CFDP1: variants seen among roughly 807,000 people sequenced by gnomAD.
The protein encoded by CFDP1 is chromatin remodeling protein CFDP1.
In CFDP1, 31 loss-of-function variants were observed where a neutral mutation model predicts 40.1. The ratio of observed to expected loss-of-function variants is 0.77; its 90% CI spans 0.58 to 1.04. The LOEUF is 1.04. Ranked by LOEUF, CFDP1 falls within the 50% of genes least tolerant of loss-of-function variation. The probability of loss-of-function intolerance (pLI) is 0.00; values close to 1 mark genes in which losing one functional copy is unlikely to be tolerated. For missense variants in CFDP1, 423 were observed against 343.4 expected (o/e 1.23, Z -1.83); for synonymous variants, 167 against 120.0 (o/e 1.39, Z -2.56).
intron 1 of CFDP1, 100 bp from the exon 2 acceptor site, chr16:75,414,795 T>C (rs768052175): frequency 1.7e-5 from 13 of 777,448 alleles, no homozygotes; most frequent in Non-Finnish European, 2.3e-5. Flanking sequence ...ACATTTTCAT[T>C]AAGAAAAAGT....
In CFDP1 at chr16:75,433,471, G is replaced by A. The variant is rs952533548; in HGVS notation, c.-119C>T. ...GGCGACGGCAGCTAGGGCGGCCCCC[G>A]ACAGCGCTTTGCACATGCGCAGAGA... On this transcript the variant is annotated 5_prime_UTR_variant, in exon 1 of 7. Transcript: ENST00000283882. 16 of 920,790 alleles carry A rather than the reference G, an allele frequency of 1.7e-5. No individual in the cohort carries two copies. In the East Asian group the frequency reaches 3.2e-4, roughly 18 times the overall value. 57.0% of individuals were successfully genotyped at this position (920,790 alleles called of 1,614,324 possible). A position where few individuals can be genotyped will look rare whatever the true frequency, so the allele number is the denominator to read the frequency against.
At chr16:75,407,790 A>C (rs1429584150) in intron 4 of CFDP1, among the ~76,000 whole-genome samples, 1 of 152,104 alleles carries the variant, frequency 6.6e-6, no homozygotes, top group South Asian at 2.1e-4. Context: ...GCTATAATGA[A>C]GCATTTAATA....
At chr16:75,355,666 C>T (rs768625433) in intron 5 of CFDP1, among the ~76,000 whole-genome samples, 1 of 152,140 alleles carries the variant, frequency 6.6e-6, no homozygotes, top group African/African-American at 2.4e-5. Flanking sequence ...GTGGAGGTAA[C>T]TGAATCATGG....
chr16:75,413,398 C>A (rs753557793), intron 2 of CFDP1, among the ~76,000 whole-genome samples: 1 of 151,800 alleles, frequency 6.6e-6, no homozygotes, highest in African/African-American at 2.4e-5. Flanking sequence ...TTCATCACAA[C>A]AAGATGAGAA....
intron 5 of CFDP1, among the ~76,000 whole-genome samples, chr16:75,379,603 G>C (rs932429613): frequency 2.0e-5 from 3 of 152,158 alleles, no homozygotes; most frequent in Admixed American, 2.0e-4. Flanking sequence ...GGTTAAGGAG[G>C]GGGTGAGGGC....
chr16:75,318,147 A>C lies in CFDP1; in HGVS notation c.651-12965T>G, dbSNP rs2078336685. Among the ~76,000 whole-genome samples the C allele has an allele frequency of 2.6e-5, 4 of 152,204 alleles. No homozygotes were observed. In the South Asian group the frequency reaches 8.3e-4, roughly 32 times the overall value. On this transcript the variant is annotated intron_variant, in intron 5 of 6. Transcript: ENST00000283882. ...GAGTGAGACTCCGTATCACAAAAAA[A>C]AGAAAAAGGTCAATGACCCTTCTCA...
chr16:75,352,007 C>CA (rs3975153), intron 5 of CFDP1, among the ~76,000 whole-genome samples: 910 of 86,674 alleles, frequency 0.01, 60 homozygotes, highest in African/African-American at 0.023. Flanking sequence ...GACTCTGTCT[C>CA]AAAAAAAAAA....
chr16:75,426,916 G>A (rs1597409348), intron 1 of CFDP1, among the ~76,000 whole-genome samples: 1 of 151,734 alleles, frequency 6.6e-6, no homozygotes, highest in African/African-American at 2.4e-5. Context: ...TTAGCTGGGT[G>A]TGGTGGCGAG....
At chr16:75,339,189 T>C (rs974219865) in intron 5 of CFDP1, among the ~76,000 whole-genome samples, 1 of 152,260 alleles carries the variant, frequency 6.6e-6, no homozygotes. Flanking sequence ...TCAGCCTTTC[T>C]ATCTCTTTGT....
At chr16:75,410,303 A>T (rs897015010) in intron 4 of CFDP1, among the ~76,000 whole-genome samples, 6 of 152,084 alleles carry the variant, frequency 3.9e-5, no homozygotes, top group Non-Finnish European at 8.8e-5. Context: ...GCAGCTCTAA[A>T]TCACAAATCT....
chr16:75,411,594 T>G (rs751515761), intron 4 of CFDP1, among the ~76,000 whole-genome samples: 21 of 152,200 alleles, frequency 1.4e-4, no homozygotes, highest in African/African-American at 5.1e-4. Context: ...TCATATTCCC[T>G]TGCTTCTGTT....
chr16:75,418,279 T>C (rs1428940980), intron 1 of CFDP1, among the ~76,000 whole-genome samples: 4 of 142,476 alleles, frequency 2.8e-5, no homozygotes, highest in African/African-American at 7.9e-5. Context: ...AAAAAAAGAA[T>C]TAAGAATATC....
chr16:75,314,105 G>C (rs979043458), intron 5 of CFDP1, among the ~76,000 whole-genome samples: 6 of 152,078 alleles, frequency 3.9e-5, no homozygotes, highest in African/African-American at 1.4e-4. Flanking sequence ...GTCTGGTCTC[G>C]AACTCCCGAC....
chr16:75,382,032 C>T (rs2078856784), intron 5 of CFDP1, among the ~76,000 whole-genome samples: 1 of 151,530 alleles, frequency 6.6e-6, no homozygotes, highest in African/African-American at 2.4e-5. Context: ...GGGAAGATCA[C>T]TTGAGCCAGA....
chr16:75,433,060 G>A (rs550683730), intron 1 of CFDP1, among the ~76,000 whole-genome samples: 1 of 152,236 alleles, frequency 6.6e-6, no homozygotes, highest in African/African-American at 2.4e-5. Flanking sequence ...CGCTGCAAGA[G>A]GGGGCGGCGG....
intron 5 of CFDP1, among the ~76,000 whole-genome samples, chr16:75,323,022 A>T (rs1367643745): frequency 6.6e-6 from 1 of 152,180 alleles, no homozygotes; most frequent in East Asian, 1.9e-4. Flanking sequence ...ACATTTATTT[A>T]GAAAATTTTT....
chr16:75,310,304 C>T (rs1252452303), intron 5 of CFDP1, among the ~76,000 whole-genome samples: 1 of 152,156 alleles, frequency 6.6e-6, no homozygotes, highest in African/African-American at 2.4e-5. Context: ...ATCTTTCTTG[C>T]ATATTTTGTT....
At chr16:75,310,748 A>AGAAGG (rs1597323264) in intron 5 of CFDP1, among the ~76,000 whole-genome samples, 3 of 152,174 alleles carry the variant, frequency 2.0e-5, no homozygotes, top group Admixed American at 6.5e-5. Context: ...GAGGTACTGG[A>AGAAGG]AAGGAGCTGG....
chr16:75,297,556 G>GATGTGTCC (rs2151497038), intron 6 of CFDP1, among the ~76,000 whole-genome samples: 1 of 152,230 alleles, frequency 6.6e-6, no homozygotes, highest in Non-Finnish European at 1.5e-5. Context: ...TCTTGCTCTT[G>GATGTGTCC]ATGTGTCCGG....
Sources: allele counts gnomAD v4.1 joint callset (sites outside exome capture counted in the v4.1 genomes callset), GRCh38; gene constraint gnomAD v4.1.1; transcripts MANE v1.5; gene names NCBI Gene and HGNC (gene_info 2026-07-23, HGNC 2026-07-21).